Variants in RGS7 observed in about 807,000 individuals in gnomAD.
RGS7 encodes regulator of G protein signaling 7.
RGS7 carries 27 observed loss-of-function variants against 81.1 expected under a neutral mutation model. The ratio of observed to expected loss-of-function variants is 0.33; its 90% CI spans 0.25 to 0.46. The LOEUF (loss-of-function observed/expected upper bound fraction) is 0.46. RGS7 is among the 20% of genes least tolerant of loss of function. The probability of loss-of-function intolerance (pLI) is 1.00; values close to 1 mark genes in which losing one functional copy is unlikely to be tolerated. For missense variants in RGS7, 396 were observed against 607.4 expected (o/e 0.65, Z 3.66); for synonymous variants, 208 against 207.7 (o/e 1.00, Z -0.01).
At chr1:240,927,882 C>G (rs141310460) in intron 6 of RGS7, among the ~76,000 whole-genome samples, 38 of 152,116 alleles carry the variant, frequency 2.5e-4, no homozygotes, top group African/African-American at 8.7e-4. Flanking sequence ...GGAGATGATC[C>G]CCTCAGAAAT....
At chr1:241,315,643 A>G (rs1366141270) in intron 2 of RGS7, among the ~76,000 whole-genome samples, 1 of 152,190 alleles carries the variant, frequency 6.6e-6, no homozygotes, top group Admixed American at 6.5e-5. Context: ...CATCTGTGAA[A>G]AGAGAGAATT....
At chr1:241,165,146 C>T (rs574018188) in intron 2 of RGS7, among the ~76,000 whole-genome samples, 1 of 152,310 alleles carries the variant, frequency 6.6e-6, no homozygotes, top group African/African-American at 2.4e-5. Flanking sequence ...TTCTTGGGCA[C>T]AGCAGTTTAT....
At chr1:241,182,019 C>T (rs919417908) in intron 2 of RGS7, among the ~76,000 whole-genome samples, 9 of 152,180 alleles carry the variant, frequency 5.9e-5, no homozygotes, top group African/African-American at 2.2e-4. Flanking sequence ...GATCAGGAAG[C>T]ATCAGTACCG....
rs1186650523 is a variant in RGS7 at position 241,087,987 on chromosome 1, TATATATATAC to T, written c.175+10669_175+10678del. On this transcript the variant is annotated intron_variant, in intron 3 of 18. Transcript: ENST00000440928. The stretch of plus-strand genomic sequence containing the variant: ...CTCTCTCTCTCTCTCTATATATATA[TATATATATAC>T]ACACACACACATATATATATACACA... 9.0e-3 allele frequency among the ~76,000 whole-genome samples: 946 copies of T among 104,604 alleles called. 8 individuals are homozygous for T. The highest frequency in any genetic ancestry group is 0.025 in the African/African-American group (660 of 26,648). 68.6% of individuals were successfully genotyped at this position (104,604 alleles called of 152,430 possible).
intron 3 of RGS7, among the ~76,000 whole-genome samples, chr1:241,049,354 T>A (rs2061127890): frequency 6.6e-6 from 1 of 152,232 alleles, no homozygotes; most frequent in Non-Finnish European, 1.5e-5. Context: ...GAATTCTTAT[T>A]TACAACATAG....
chr1:240,816,285 C>T, intron 11 of RGS7, 32 bp downstream of exon 11: 1 of 1,385,478 alleles, frequency 7.2e-7, no homozygotes, highest in Non-Finnish European at 1.0e-6. Flanking sequence ...ACTCTGTAAA[C>T]CTTTAACAGG....
chr1:241,075,516 T>C (rs548860756), intron 3 of RGS7, among the ~76,000 whole-genome samples: 54 of 152,312 alleles, frequency 3.5e-4, no homozygotes, highest in Non-Finnish European at 5.7e-4. Flanking sequence ...TCCAGTATTT[T>C]GGCTTCCCTG....
At chr1:241,315,996 C>T (rs1573639458) in intron 2 of RGS7, among the ~76,000 whole-genome samples, 1 of 152,194 alleles carries the variant, frequency 6.6e-6, no homozygotes, top group African/African-American at 2.4e-5. Context: ...TACTGAATCA[C>T]ATTAATTGAT....
At chr1:241,052,086 A>T (rs998466487) in intron 3 of RGS7, among the ~76,000 whole-genome samples, 1 of 152,178 alleles carries the variant, frequency 6.6e-6, no homozygotes, top group African/African-American at 2.4e-5. Flanking sequence ...ACATGACCAC[A>T]GCTTGTTCAA....
chr1:241,025,723 C>A (rs2059750890), intron 3 of RGS7, among the ~76,000 whole-genome samples: 1 of 151,514 alleles, frequency 6.6e-6, no homozygotes, highest in Non-Finnish European at 1.5e-5. Context: ...AAGGATATTA[C>A]AGTTCATAAG....
At position 240,806,225 on chromosome 1, in the gene RGS7, C is replaced by T. The variant is rs772839211; in HGVS notation, c.1184G>A (p.Ser395Asn). 89 of 1,613,870 alleles carry T rather than the reference C, an allele frequency of 5.5e-5. No homozygotes were observed. The highest frequency in any genetic ancestry group is 7.5e-5 in the Non-Finnish European group (88 of 1,179,942). The change falls in exon 15 of 19, where the codon AGT becomes AAT. Residue 395 changes from serine (S) to asparagine (N), a missense_variant. Transcript: ENST00000440928. ...ACTCTTGGAATCCAAGTTAATAGCACTGGGGGCTCCGGGAGCCAGAAACTC... is the reference window on the plus strand; with the variant it reads ...ACTCTTGGAATCCAAGTTAATAGCATTGGGGGCTCCGGGAGCCAGAAACTC... ...WQEFLAPGAP[S>N]AINLDSKSYD... is the part of the protein sequence containing the mutation.
At chr1:241,156,323 G>A (rs2069145114) in intron 2 of RGS7, among the ~76,000 whole-genome samples, 1 of 151,652 alleles carries the variant, frequency 6.6e-6, no homozygotes, top group Non-Finnish European at 1.5e-5. Flanking sequence ...ACAAAGCAAG[G>A]CTCTGTCTCT....
At chr1:241,173,824 C>A (rs987043952) in intron 2 of RGS7, among the ~76,000 whole-genome samples, 31 of 152,214 alleles carry the variant, frequency 2.0e-4, no homozygotes, top group African/African-American at 7.2e-4. Flanking sequence ...TGCTTCCTGC[C>A]CCTACCACCA....
chr1:241,308,183 G>A (rs146404043), intron 2 of RGS7, among the ~76,000 whole-genome samples: 1 of 152,228 alleles, frequency 6.6e-6, no homozygotes, highest in Non-Finnish European at 1.5e-5. Context: ...GGGACATTGA[G>A]TGTTTTCTTT....
intron 9 of RGS7, among the ~76,000 whole-genome samples, chr1:240,832,796 T>C (rs914805543): frequency 6.6e-6 from 1 of 152,088 alleles, no homozygotes; most frequent in Non-Finnish European, 1.5e-5. Flanking sequence ...CACCATCAAA[T>C]AGAGCTGATA....
chr1:241,341,129 T>C (rs1168414072), intron 2 of RGS7, among the ~76,000 whole-genome samples: 1 of 152,190 alleles, frequency 6.6e-6, no homozygotes, highest in Non-Finnish European at 1.5e-5. Context: ...ATTTACACAA[T>C]CACGAAATCG....
intron 2 of RGS7, among the ~76,000 whole-genome samples, chr1:241,351,411 C>T (rs1343777535): frequency 1.9e-5 from 2 of 107,168 alleles, no homozygotes; most frequent in Non-Finnish European, 3.9e-5. Context: ...AGAGCAATAC[C>T]CTGACTTTAT....
chr1:240,813,517 C>A, intron 13 of RGS7, 101 bp downstream of exon 13: 1 of 768,930 alleles, frequency 1.3e-6, no homozygotes, highest in Non-Finnish European at 2.3e-6. Context: ...AGATAAAGAA[C>A]AAAATTACAT....
intron 6 of RGS7, among the ~76,000 whole-genome samples, chr1:240,917,289 G>C (rs1455607850): frequency 1.3e-5 from 2 of 152,146 alleles, no homozygotes; most frequent in African/African-American, 2.4e-5. Context: ...GAATGATATA[G>C]GTTGAAACTA....
Sources: gnomAD v4.1 joint callset for allele counts (sites outside exome capture counted in the v4.1 genomes callset) on GRCh38, gnomAD v4.1.1 for gene constraint, MANE v1.5 for transcripts, NCBI Gene and HGNC (gene_info 2026-07-23, HGNC 2026-07-21) for gene names.